The following BMPR2 variants were observed in gnomAD, a reference collection of about 807,000 sequenced individuals.
BMPR2 encodes bone morphogenetic protein receptor type-2.
Under a neutral mutation model 100.8 loss-of-function variants are expected in BMPR2, and 29 were observed. The observed-to-expected ratio is 0.29, with a 90% CI of 0.21 to 0.39. The LOEUF is 0.39. Ranked by LOEUF, BMPR2 falls within the 10% of genes least tolerant of loss-of-function variation. The pLI is 1.00. For missense variants in BMPR2, 1,011 were observed against 1,274.5 expected (o/e 0.79, Z 3.15); for synonymous variants, 382 against 442.3 (o/e 0.86, Z 1.71).
chr2:202,409,163 G>A (rs1394419937), intron 1 of BMPR2, among the ~76,000 whole-genome samples: 1 of 152,032 alleles, frequency 6.6e-6, no homozygotes, highest in African/African-American at 2.4e-5. Flanking sequence ...TGGGCAAGAC[G>A]GCGAAACCTT....
At chr2:202,390,388 A>G (rs1690522749) in intron 1 of BMPR2, among the ~76,000 whole-genome samples, 1 of 146,628 alleles carries the variant, frequency 6.8e-6, no homozygotes, top group South Asian at 2.1e-4. Flanking sequence ...GCTGGAGTGC[A>G]GTGGCACGAT....
chr2:202,465,714 C>T (rs908109505), intron 2 of BMPR2, among the ~76,000 whole-genome samples: 2 of 151,974 alleles, frequency 1.3e-5, no homozygotes, highest in Non-Finnish European at 2.9e-5. Flanking sequence ...GAAAATTAGC[C>T]GGGCGTGGTG....
chr2:202,562,865 A>G lies in BMPR2; in HGVS notation c.*2919A>G, dbSNP rs1688698771. ...AAAAAAAACCCACTGTTACCAGTGT[A>G]GGAAGTTACAAGAAGGCACATACTG... On this transcript the variant is annotated 3_prime_UTR_variant, in exon 13 of 13. Coordinates refer to ENST00000374580, the MANE Select transcript of BMPR2 (RefSeq NM_001204.7). 6.6e-6 allele frequency: 1 copy of G among 152,042 alleles called. No individual in the cohort carries two copies. Among genetic ancestry groups the G allele is most frequent in the Admixed American group, 6.6e-5 (1 of 15,248 alleles). 9.4% of individuals were successfully genotyped at this position (152,042 alleles called of 1,614,324 possible).
chr2:202,506,672 G>A (rs370906394), intron 3 of BMPR2, among the ~76,000 whole-genome samples: 11 of 152,058 alleles, frequency 7.2e-5, no homozygotes, highest in South Asian at 4.2e-4. Context: ...AGGCCGAGGC[G>A]GGTGGATTAC....
intron 3 of BMPR2, chr2:202,474,748 C>T (rs905238635): frequency 2.0e-5 from 3 of 152,148 alleles, no homozygotes; most frequent in Non-Finnish European, 4.4e-5. Context: ...GTCTCGATCT[C>T]CTGACCTCAT....
intron 9 of BMPR2, among the ~76,000 whole-genome samples, chr2:202,539,898 C>G (rs974525106): frequency 5.9e-5 from 9 of 152,228 alleles, no homozygotes; most frequent in Admixed American, 3.9e-4. Flanking sequence ...GATTATAAAA[C>G]TTTCCTTGAG....
At chr2:202,434,917 ATATATATATATATATATATT>A (rs1691582159) in intron 1 of BMPR2, among the ~76,000 whole-genome samples, 1 of 93,692 alleles carries the variant, frequency 1.1e-5, no homozygotes, top group Admixed American at 1.1e-4. Flanking sequence ...AAATATATAT[ATATATATATATATATATATT>A]TATTTATTTA....
chr2:202,424,053 A>G (rs1018409126), intron 1 of BMPR2, among the ~76,000 whole-genome samples: 3 of 139,946 alleles, frequency 2.1e-5, no homozygotes, highest in African/African-American at 7.9e-5. Flanking sequence ...AGCCTGGGTG[A>G]CAGAGCAAGA....
chr2:202,481,050 G>T (rs1692650713), intron 3 of BMPR2, among the ~76,000 whole-genome samples: 1 of 151,232 alleles, frequency 6.6e-6, no homozygotes, highest in Non-Finnish European at 1.5e-5. Context: ...ATATGTCAAG[G>T]ATCCATTGAT....
chr2:202,490,289 G>C (rs1692873777), intron 3 of BMPR2, among the ~76,000 whole-genome samples: 1 of 152,100 alleles, frequency 6.6e-6, no homozygotes, highest in African/African-American at 2.4e-5. Flanking sequence ...AGGAAGTAAA[G>C]AGAGTTACCT....
Position 202,555,667 on chromosome 2 carries a change from C to A in BMPR2, c.2002C>A (p.Leu668Ile). The A allele has an allele frequency of 1.2e-6, 2 of 1,614,072 alleles. No homozygotes were observed. Among genetic ancestry groups the A allele is most frequent in the Non-Finnish European group, 1.7e-6 (2 of 1,180,024 alleles). Residue 668 changes from leucine to isoleucine, a missense_variant, in exon 12 of 13, where the codon CTA becomes ATA. Physicochemically the swap from Leu to Ile is conservative, Grantham distance 5. Coordinates refer to ENST00000374580, the MANE Select transcript of BMPR2 (RefSeq NM_001204.7). ...LTEEDLETNK[L>I]DPKEVDKNLK... is the part of the protein sequence containing the mutation. Reference sequence around the variant, plus strand: ...AGAAGAAGACTTGGAAACCAACAAGCTAGACCCAAAAGAAGTTGATAAGAA... The same window carrying A: ...AGAAGAAGACTTGGAAACCAACAAGATAGACCCAAAAGAAGTTGATAAGAA...
At chr2:202,484,400 C>T (rs989721787) in intron 3 of BMPR2, among the ~76,000 whole-genome samples, 2 of 151,406 alleles carry the variant, frequency 1.3e-5, no homozygotes, top group African/African-American at 2.4e-5. Flanking sequence ...TAAGGCCGGG[C>T]GCGGTGGCTT....
chr2:202,495,872 G>A lies in BMPR2; in HGVS notation c.419-17847G>A, dbSNP rs1200929885. Among the ~76,000 whole-genome samples, 2 of 152,154 alleles carry A rather than the reference G, an allele frequency of 1.3e-5. No homozygotes were observed. Among genetic ancestry groups the A allele is most frequent in the Non-Finnish European group, 2.9e-5 (2 of 68,014 alleles). ...TTATAAATTTGAGAATAAAAGCAAA[G>A]AATGCTGAGCCTTCAAAAAACTGTA... On this transcript the variant is annotated intron_variant, in intron 3 of 12. Coordinates refer to ENST00000374580, the MANE Select transcript of BMPR2 (RefSeq NM_001204.7). The surrounding 1 kb of genome is among the most constrained non-coding windows in gnomAD (Gnocchi z 4.5).
chr2:202,389,526 CAA>C (rs781745252), intron 1 of BMPR2, among the ~76,000 whole-genome samples: 11 of 56,592 alleles, frequency 1.9e-4, no homozygotes, highest in East Asian at 5.7e-4. Flanking sequence ...GATTCCATCT[CAA>C]AAAAAAAAAA....
chr2:202,559,645 T>G (rs759836024), intron 12 of BMPR2, 51 bp from the exon 13 acceptor site: 2 of 1,595,120 alleles, frequency 1.3e-6, no homozygotes, highest in South Asian at 2.2e-5. Flanking sequence ...CCCTTACCCG[T>G]TATTTCTTAA....
chr2:202,548,401 A>T (rs541666185), intron 10 of BMPR2, among the ~76,000 whole-genome samples: 1 of 152,004 alleles, frequency 6.6e-6, no homozygotes, highest in Non-Finnish European at 1.5e-5. Flanking sequence ...GTAGTACACA[A>T]TGATCCCACC....
chr2:202,426,745 G>A (rs1691394082), intron 1 of BMPR2, among the ~76,000 whole-genome samples: 2 of 151,938 alleles, frequency 1.3e-5, no homozygotes, highest in African/African-American at 4.8e-5. Context: ...GCTGGGCGTG[G>A]GTGGCATGCA....
chr2:202,451,766 T>A (rs1691991096), intron 1 of BMPR2, among the ~76,000 whole-genome samples: 1 of 152,104 alleles, frequency 6.6e-6, no homozygotes, highest in Non-Finnish European at 1.5e-5. Flanking sequence ...TTGTTGTTTT[T>A]GAGACAGAGT....
At chr2:202,527,555 G>A (rs1054244133) in intron 7 of BMPR2, among the ~76,000 whole-genome samples, 12 of 151,460 alleles carry the variant, frequency 7.9e-5, no homozygotes, top group African/African-American at 2.9e-4. Context: ...GGAGGCCGAG[G>A]CGGGTGGATC....
Sources: gnomAD v4.1 joint callset for allele counts (sites outside exome capture counted in the v4.1 genomes callset) on GRCh38, gnomAD v4.1.1 for gene constraint, Gnocchi (gnomAD v3.1) non-coding constraint, MANE v1.5 for transcripts, NCBI Gene and HGNC (gene_info 2026-07-23, HGNC 2026-07-21) for gene names.